PRKN: variants seen among roughly 807,000 people sequenced by gnomAD.
The protein encoded by PRKN is parkin RBR E3 ubiquitin protein ligase.
Under a neutral mutation model 59.5 loss-of-function variants are expected in PRKN, and 56 were observed. The ratio of observed to expected loss-of-function variants is 0.94; its 90% confidence interval spans 0.76 to 1.18. The LOEUF (loss-of-function observed/expected upper bound fraction) is 1.18, where lower values mean the gene tolerates loss of function less well. Ranked by LOEUF, PRKN falls within the 50% of genes most tolerant of loss-of-function variation. The probability of loss-of-function intolerance (pLI) is 0.00; values close to 1 mark genes in which losing one functional copy is unlikely to be tolerated. For synonymous variants in PRKN, 250 were observed against 222.1 expected (o/e 1.13, Z -1.12); for missense variants, 657 against 596.4 (o/e 1.10, Z -1.06).
In PRKN at chr6:161,796,604, G is replaced by A. The variant is rs115852559; in HGVS notation, c.735-10696C>T. Among the ~76,000 whole-genome samples, 1,027 of 152,216 alleles carry A rather than the reference G, an allele frequency of 6.7e-3. 12 individuals carry two copies. The highest frequency in any genetic ancestry group is 0.024 in the African/African-American group (977 of 41,540). ...AACGCAGCTCATAAAAAATTATCAC[G>A]ATACTTTCCTATCCCCCAGTTAATG... On this transcript the variant is annotated intron_variant, in intron 6 of 11. Transcript: ENST00000366898.
intron 2 of PRKN, among the ~76,000 whole-genome samples, chr6:162,302,423 T>C (rs1782003051): frequency 6.6e-6 from 1 of 152,144 alleles, no homozygotes; most frequent in South Asian, 2.1e-4. Context: ...CTCATCCTGG[T>C]GAAGGAGACT....
chr6:161,564,262 A>G (rs529070970), intron 8 of PRKN, among the ~76,000 whole-genome samples: 2 of 152,272 alleles, frequency 1.3e-5, no homozygotes, highest in South Asian at 4.1e-4. Context: ...ATGAATAATC[A>G]GGATATAAAC....
intron 4 of PRKN, among the ~76,000 whole-genome samples, chr6:162,163,042 T>C (rs1782826689): frequency 6.7e-6 from 1 of 149,024 alleles, no homozygotes; most frequent in Non-Finnish European, 1.5e-5. Flanking sequence ...AAATTTCTCA[T>C]AGGACTACAG....
intron 3 of PRKN, among the ~76,000 whole-genome samples, chr6:162,240,345 C>T (rs1562606155): frequency 6.6e-6 from 1 of 152,184 alleles, no homozygotes; most frequent in Non-Finnish European, 1.5e-5. Flanking sequence ...TCCAACATTT[C>T]TCAGTCTCCT....
chr6:161,965,769 C>T (rs1038507616), intron 6 of PRKN, among the ~76,000 whole-genome samples: 4 of 152,020 alleles, frequency 2.6e-5, no homozygotes, highest in Admixed American at 2.0e-4. Flanking sequence ...TTAAACACTT[C>T]CCTGGTTGAC....
intron 6 of PRKN, among the ~76,000 whole-genome samples, chr6:161,820,907 ACCC>A (rs1791995449): frequency 6.6e-6 from 1 of 151,724 alleles, no homozygotes; most frequent in Non-Finnish European, 1.5e-5. Flanking sequence ...TTTGGAAAAT[ACCC>A]CCAATATGAC....
intron 6 of PRKN, among the ~76,000 whole-genome samples, chr6:161,841,447 T>A (rs957195281): frequency 1.1e-4 from 16 of 152,068 alleles, no homozygotes; most frequent in African/African-American, 3.9e-4. Context: ...CTACCCAGGT[T>A]CAAGCTATTC....
chr6:162,130,232 C>CT (rs146587579), intron 4 of PRKN, among the ~76,000 whole-genome samples: 20,869 of 152,052 alleles, frequency 0.14, 1,622 homozygotes, highest in Middle Eastern at 0.2. Context: ...CTCAGAAATC[C>CT]TTTTTTGTCT....
chr6:161,814,935 G>A (rs1233119672), intron 6 of PRKN, among the ~76,000 whole-genome samples: 1 of 152,188 alleles, frequency 6.6e-6, no homozygotes, highest in Non-Finnish European at 1.5e-5. Flanking sequence ...GGAATTATGG[G>A]AGCTCAAGAT....
At chr6:162,275,592 C>G (rs1053825554) in intron 2 of PRKN, among the ~76,000 whole-genome samples, 1 of 152,092 alleles carries the variant, frequency 6.6e-6, no homozygotes, top group Non-Finnish European at 1.5e-5. Flanking sequence ...TGAGACCCAC[C>G]TGGCCAACAT....
chr6:161,739,065 TC>T (rs1397108721), intron 7 of PRKN, among the ~76,000 whole-genome samples: 3 of 152,196 alleles, frequency 2.0e-5, no homozygotes, highest in Admixed American at 2.0e-4. Flanking sequence ...TTAAGCTAAC[TC>T]ATTTGACTTC....
At chr6:161,677,927 C>G (rs1785149298) in intron 7 of PRKN, among the ~76,000 whole-genome samples, 1 of 152,102 alleles carries the variant, frequency 6.6e-6, no homozygotes, top group Non-Finnish European at 1.5e-5. Flanking sequence ...TTCAGTTGTA[C>G]TGAAGTGAAC....
chr6:162,697,181 G>A (rs902429914), intron 1 of PRKN, among the ~76,000 whole-genome samples: 4 of 152,032 alleles, frequency 2.6e-5, no homozygotes, highest in African/African-American at 9.7e-5. Context: ...TGGATGACTG[G>A]TATAACAGAG....
At chr6:162,577,197 T>A (rs1280132955) in intron 1 of PRKN, among the ~76,000 whole-genome samples, 1 of 151,540 alleles carries the variant, frequency 6.6e-6, no homozygotes, top group African/African-American at 2.4e-5. Context: ...ATACCCCCAA[T>A]AAATAAGCAA....
Position 162,414,439 on chromosome 6 carries a change from G to T in PRKN, c.171+28871C>A, listed in dbSNP as rs111551247. On this transcript the variant is annotated intron_variant, in intron 2 of 11. Transcript: ENST00000366898. ...AAGTAGTGAATCTGCCGGGCGTGGT[G>T]GCTCACACCTGTAATCCCAGCACTT... is the stretch of plus-strand genomic sequence containing the variant. Among the ~76,000 whole-genome samples the T allele has an allele frequency of 4.0e-3, 603 of 151,982 alleles. 7 individuals carry two copies. Among genetic ancestry groups the T allele is most frequent in the African/African-American group, 0.014 (579 of 41,434 alleles).
intron 4 of PRKN, among the ~76,000 whole-genome samples, chr6:162,116,480 C>A (rs1780677912): frequency 6.6e-6 from 1 of 152,146 alleles, no homozygotes; most frequent in Non-Finnish European, 1.5e-5. Flanking sequence ...TGAGCCCTGG[C>A]CTCACGGACT....
chr6:162,282,677 G>A (rs765374449), intron 2 of PRKN, among the ~76,000 whole-genome samples: 3 of 152,250 alleles, frequency 2.0e-5, no homozygotes, highest in Non-Finnish European at 4.4e-5. Context: ...AGAAGTACAC[G>A]GAAAAGAAGG....
Position 162,103,506 on chromosome 6 carries a change from GAAC to G in PRKN, c.535-49335_535-49333del, listed in dbSNP as rs556790486. 1.1e-4 allele frequency among the ~76,000 whole-genome samples: 16 copies of G among 151,730 alleles called. No homozygotes were observed. The South Asian group carries it at 2.9e-3, about 28-fold the overall frequency. On this transcript the variant is annotated intron_variant, in intron 4 of 11. Coordinates refer to ENST00000366898, the MANE Select transcript of PRKN (RefSeq NM_004562.3). ...CTTTACTATTAAAGCAAACAGAAAA[GAAC>G]AACAGAGTAAACCAGGAATGGAACA... is the stretch of plus-strand genomic sequence containing the variant.
intron 6 of PRKN, among the ~76,000 whole-genome samples, chr6:161,915,696 T>C (rs1030563458): frequency 3.3e-5 from 5 of 151,706 alleles, no homozygotes; most frequent in African/African-American, 9.8e-5. Flanking sequence ...AAGCAGGCCA[T>C]TGCACATGCA....
Sources: allele counts gnomAD v4.1 joint callset (sites outside exome capture counted in the v4.1 genomes callset), GRCh38; gene constraint gnomAD v4.1.1; transcripts MANE v1.5; gene names NCBI Gene and HGNC (gene_info 2026-07-23, HGNC 2026-07-21).